EFCAB5: variants seen among roughly 807,000 people sequenced by gnomAD.
EFCAB5 encodes the protein EF-hand calcium binding domain 5.
EFCAB5 carries 131 observed loss-of-function variants against 167.9 expected under a neutral mutation model. The ratio of observed to expected loss-of-function variants is 0.78; its 90% confidence interval spans 0.68 to 0.90. The LOEUF is 0.90. Among genes scored for constraint, EFCAB5 ranks in the 40% least tolerant of loss-of-function variants. The pLI, the probability that EFCAB5 is intolerant of heterozygous loss-of-function variation, is 0.00. For missense variants in EFCAB5, 1,663 were observed against 1,745.2 expected, an observed-to-expected ratio of 0.95 and a Z score of 0.84; for synonymous variants, 574 against 602.8, an observed-to-expected ratio of 0.95 and a Z score of 0.70.
chr17:30,079,309 A>G (rs2070934976), intron 15 of EFCAB5, among the ~76,000 whole-genome samples: 1 of 152,218 alleles, frequency 6.6e-6, no homozygotes, highest in Non-Finnish European at 1.5e-5. Flanking sequence ...ATCTCGCTAC[A>G]TATTTGTTAA....
chr17:30,061,919 C>T (rs4621027), intron 14 of EFCAB5, among the ~76,000 whole-genome samples: 4,132 of 152,272 alleles, frequency 0.027, 171 homozygotes, highest in African/African-American at 0.094. Flanking sequence ...TGGGCAGAAA[C>T]ATCACAAATA....
intron 8 of EFCAB5, among the ~76,000 whole-genome samples, chr17:30,047,139 A>G (rs2069949985): frequency 6.6e-6 from 1 of 152,346 alleles, no homozygotes; most frequent in East Asian, 1.9e-4. Context: ...TTCTTGGTAG[A>G]TTAAATAAAA....
chr17:30,005,503 G>T (rs1379336923), intron 7 of EFCAB5, among the ~76,000 whole-genome samples: 2 of 151,864 alleles, frequency 1.3e-5, no homozygotes, highest in African/African-American at 4.8e-5. Flanking sequence ...TTTTCTTATG[G>T]AATTGTAAAT....
chr17:30,057,839 T>G lies in EFCAB5; in HGVS notation c.2529T>G (p.Phe843Leu). The G allele has an allele frequency of 6.2e-7, 1 of 1,613,826 alleles. No homozygotes were observed. Among genetic ancestry groups the G allele is most frequent in the Non-Finnish European group, 8.5e-7 (1 of 1,179,772 alleles). Reference sequence around the variant, plus strand: ...TCAGCGAGACTCTCACCTCCTTTTTTAAGGAGGGCTATGTTGAAACAGAAC... The same window carrying G: ...TCAGCGAGACTCTCACCTCCTTTTTGAAGGAGGGCTATGTTGAAACAGAAC... ...LSVSETLTSF[F>L]KEGYVETEQE... The change falls in exon 13 of 23, where the codon TTT becomes TTG. Residue 843 changes from phenylalanine to leucine, a missense_variant. Coordinates refer to ENST00000394835, the MANE Select transcript of EFCAB5 (RefSeq NM_198529.4).
At chr17:29,999,190 T>G (rs1457383294) in intron 6 of EFCAB5, among the ~76,000 whole-genome samples, 1 of 152,042 alleles carries the variant, frequency 6.6e-6, no homozygotes, top group African/African-American at 2.4e-5. Context: ...TATATACACA[T>G]TACGAACTTT....
chr17:29,985,284 A>G (rs953745378), intron 4 of EFCAB5, among the ~76,000 whole-genome samples: 2 of 152,210 alleles, frequency 1.3e-5, no homozygotes, highest in Non-Finnish European at 2.9e-5. Context: ...GATAAAGGCA[A>G]TTAGCTGAGA....
At chr17:29,955,829 T>C (rs1196093377) in intron 3 of EFCAB5, among the ~76,000 whole-genome samples, 3 of 151,878 alleles carry the variant, frequency 2.0e-5, no homozygotes, top group Non-Finnish European at 2.9e-5. Flanking sequence ...CTAAAATTTA[T>C]GTGGAACCAA....
intron 7 of EFCAB5, among the ~76,000 whole-genome samples, chr17:30,005,143 T>TA (rs2068749483): frequency 6.6e-6 from 1 of 152,170 alleles, no homozygotes; most frequent in South Asian, 2.1e-4. Context: ...TGTTCTTGGT[T>TA]ATACTGATTT....
intron 3 of EFCAB5, among the ~76,000 whole-genome samples, chr17:29,954,612 G>A (rs1186290494): frequency 1.3e-5 from 2 of 152,244 alleles, no homozygotes; most frequent in African/African-American, 4.8e-5. Context: ...CCCTCATGGA[G>A]TACCTCTACT....
chr17:30,108,135 T>C lies in EFCAB5; in HGVS notation c.*111T>C, dbSNP rs1793884176. 8.2e-7 allele frequency: 1 copy of C among 1,222,900 alleles called. No individual in the cohort carries two copies. Among genetic ancestry groups the C allele is most frequent in the Non-Finnish European group, 1.1e-6 (1 of 896,638 alleles). 75.8% of individuals were successfully genotyped at this position (1,222,900 alleles called of 1,614,324 possible). ...TGGAAAGGGGTACCTATAAATGTCT[T>C]CTGCTGCTAATATTTATCTCAGCAC... On this transcript the variant is annotated 3_prime_UTR_variant, in exon 23 of 23. Coordinates refer to ENST00000394835, the MANE Select transcript of EFCAB5 (RefSeq NM_198529.4).
chr17:29,968,666 C>A, intron 3 of EFCAB5, 125 bp from the exon 4 acceptor site: 1 of 738,616 alleles, frequency 1.4e-6, no homozygotes, highest in Non-Finnish European at 2.1e-6. Flanking sequence ...CTGTTATTTT[C>A]AGCTGACATT....
chr17:30,050,944 A>G (rs1325726324), intron 8 of EFCAB5, among the ~76,000 whole-genome samples, 174 bp from the exon 9 acceptor site: 1 of 152,260 alleles, frequency 6.6e-6, no homozygotes, highest in African/African-American at 2.4e-5. Flanking sequence ...AAAGTAGAGT[A>G]TAAGCCTAAA....
Position 30,020,577 on chromosome 17 carries a change from A to G in EFCAB5, c.1045-13653A>G, listed in dbSNP as rs917143310. Among the ~76,000 whole-genome samples the G allele has an allele frequency of 7.3e-5, 11 of 149,876 alleles. No homozygotes were observed. The East Asian group carries it at 2.2e-3, about 30-fold the overall frequency. On this transcript the variant is annotated intron_variant, in intron 7 of 22. Transcript: ENST00000394835. ...GCCAAGTTGGCCAGGCTGGTCTCAAACTCCTGACCTCAGGTGACCCACCCG... is the reference window on the plus strand; with the variant it reads ...GCCAAGTTGGCCAGGCTGGTCTCAAGCTCCTGACCTCAGGTGACCCACCCG...
At chr17:29,969,439 A>C in intron 4 of EFCAB5, 72 bp downstream of exon 4, 1 of 1,283,434 alleles carries the variant, frequency 7.8e-7, no homozygotes, top group Non-Finnish European at 1.1e-6. Flanking sequence ...AAATAACATA[A>C]TCATGGACAG....
chr17:29,931,138 T>C (rs568642081), intron 1 of EFCAB5, among the ~76,000 whole-genome samples: 2 of 152,312 alleles, frequency 1.3e-5, no homozygotes, highest in South Asian at 2.1e-4. Flanking sequence ...AATGCAAATA[T>C]CACTGATTAT....
At position 30,078,219 on chromosome 17, in the gene EFCAB5, A is replaced by T; in HGVS notation, c.2742A>T (p.Lys914Asn). 1 of 1,609,056 alleles carries T rather than the reference A, an allele frequency of 6.2e-7. No individual in the cohort carries two copies. Among genetic ancestry groups the T allele is most frequent in the Non-Finnish European group, 8.5e-7 (1 of 1,176,888 alleles). Residue 914 changes from lysine (K) to asparagine (N), a missense_variant, in exon 15 of 23, where the codon AAA (lysine) becomes AAT (asparagine). Transcript: ENST00000394835. The stretch of plus-strand genomic sequence containing the variant: ...TTTCGTGTTTGTGTCTTTTAGCTAA[A>T]CTACACATCCAATTTCCAAAGCCAC... ...GMEKESMKKA[K>N]LHIQFPKPHP...
intron 3 of EFCAB5, chr17:29,968,325 C>T (rs567431118): frequency 1.5e-5 from 7 of 453,904 alleles, no homozygotes; most frequent in African/African-American, 8.1e-5. Context: ...CCTTTACCAG[C>T]GATTGGTCTG....
chr17:30,021,835 C>G (rs1292448874), intron 7 of EFCAB5, among the ~76,000 whole-genome samples: 2 of 152,076 alleles, frequency 1.3e-5, no homozygotes, highest in African/African-American at 2.4e-5. Flanking sequence ...TTTAACGAAA[C>G]TGGAAGATAA....
chr17:29,960,249 T>G (rs990818860), intron 3 of EFCAB5, among the ~76,000 whole-genome samples: 1 of 152,152 alleles, frequency 6.6e-6, no homozygotes, highest in Non-Finnish European at 1.5e-5. Flanking sequence ...TCTTTCCTAT[T>G]CTCAGTGCCT....
Sources: gnomAD v4.1 joint callset for allele counts (sites outside exome capture counted in the v4.1 genomes callset) on GRCh38, gnomAD v4.1.1 for gene constraint, MANE v1.5 for transcripts, NCBI Gene and HGNC (gene_info 2026-07-23, HGNC 2026-07-21) for gene names.